Variants in KCNH5 observed in about 807,000 individuals in gnomAD.
KCNH5 encodes the protein voltage-gated delayed rectifier potassium channel KCNH5.
A neutral mutation model predicts 96.1 loss-of-function variants in KCNH5; 46 were observed. That is an observed-to-expected ratio of 0.48 (90% CI 0.38 to 0.61). The LOEUF (loss-of-function observed/expected upper bound fraction) is 0.61, where lower values mean the gene tolerates loss of function less well. KCNH5 is among the 20% of genes least tolerant of loss of function. KCNH5 has a pLI of 0.00. For missense variants in KCNH5, 907 were observed against 1,225.8 expected, an observed-to-expected ratio of 0.74 and a Z score of 3.88; for synonymous variants, 439 against 449.8, an observed-to-expected ratio of 0.98 and a Z score of 0.30.
chr14:62,755,717 T>C (rs1199111393), intron 10 of KCNH5, among the ~76,000 whole-genome samples: 1 of 152,242 alleles, frequency 6.6e-6, no homozygotes, highest in South Asian at 2.1e-4. Flanking sequence ...AACAAAATAC[T>C]AGCAAGAATA....
chr14:62,863,274 T>C (rs1331190865), intron 7 of KCNH5, among the ~76,000 whole-genome samples: 2 of 152,260 alleles, frequency 1.3e-5, no homozygotes, highest in African/African-American at 2.4e-5. Flanking sequence ...AATATTCTCC[T>C]TGTGTAGCAA....
chr14:62,845,559 G>A (rs975293416), intron 8 of KCNH5, among the ~76,000 whole-genome samples: 8 of 152,008 alleles, frequency 5.3e-5, no homozygotes, highest in South Asian at 2.1e-4. Flanking sequence ...TGGAAGCACC[G>A]GCCAGTTAGT....
chr14:62,728,314 G>T (rs948776982), intron 10 of KCNH5, among the ~76,000 whole-genome samples: 4 of 151,164 alleles, frequency 2.6e-5, no homozygotes, highest in African/African-American at 9.7e-5. Context: ...TTGAACTCGG[G>T]AGGCAGAGGT....
chr14:63,039,474 C>T (rs962209701), intron 1 of KCNH5, among the ~76,000 whole-genome samples: 1 of 151,864 alleles, frequency 6.6e-6, no homozygotes, highest in African/African-American at 2.4e-5. Context: ...TTCTACTTCA[C>T]CAATTCAATA....
intron 8 of KCNH5, among the ~76,000 whole-genome samples, chr14:62,814,785 A>AAAG: frequency 7.8e-6 from 1 of 128,886 alleles, no homozygotes; most frequent in African/African-American, 2.7e-5. Context: ...TCCATCTCAA[A>AAAG]AAAAAAAAAA....
At chr14:62,758,035 C>T (rs568821879) in intron 10 of KCNH5, among the ~76,000 whole-genome samples, 5 of 151,740 alleles carry the variant, frequency 3.3e-5, no homozygotes, top group Non-Finnish European at 7.4e-5. Flanking sequence ...ATCCCAGCTA[C>T]TCAGGAGGCT....
At chr14:62,789,460 G>A (rs1483082516) in intron 9 of KCNH5, among the ~76,000 whole-genome samples, 1 of 151,932 alleles carries the variant, frequency 6.6e-6, no homozygotes, top group Non-Finnish European at 1.5e-5. Flanking sequence ...GAGGGATATT[G>A]AGTCACACAG....
rs1189497681 is a variant in KCNH5, at chr14:62,732,449, A to AC, written c.2020-23995dup. 2.0e-5 allele frequency among the ~76,000 whole-genome samples: 3 copies of AC among 151,582 alleles called. No individual in the cohort carries two copies. The South Asian group carries it at 6.3e-4, about 32-fold the overall frequency. ...AACTTCCTTTTTATTGGTATCACTT[A>AC]CCTCGGCTTTTAGCTCCTCTCTCCC... On this transcript the variant is annotated intron_variant, in intron 10 of 10. Transcript: ENST00000322893.
At chr14:62,822,066 T>C (rs765583373) in intron 8 of KCNH5, among the ~76,000 whole-genome samples, 26 of 152,220 alleles carry the variant, frequency 1.7e-4, no homozygotes, top group African/African-American at 6.3e-4. Flanking sequence ...ATAAATGTAA[T>C]AAAATATGGA....
At chr14:62,959,950 T>A (rs1258027161) in intron 6 of KCNH5, among the ~76,000 whole-genome samples, 1 of 152,146 alleles carries the variant, frequency 6.6e-6, no homozygotes, top group Non-Finnish European at 1.5e-5. Flanking sequence ...CTCTTCAAAA[T>A]CACTGCTAGT....
At chr14:62,887,355 C>T (rs1247567618) in intron 7 of KCNH5, among the ~76,000 whole-genome samples, 1 of 151,902 alleles carries the variant, frequency 6.6e-6, no homozygotes, top group Non-Finnish European at 1.5e-5. Context: ...GAAGACAGCC[C>T]AAGACTTAAG....
intron 6 of KCNH5, among the ~76,000 whole-genome samples, chr14:62,964,381 T>C (rs112693841): frequency 0.01 from 1,536 of 152,222 alleles, 23 homozygotes; most frequent in African/African-American, 0.035. Flanking sequence ...TTCCAACATG[T>C]TCACCTCCTC....
chr14:62,839,126 T>C (rs1887523935), intron 8 of KCNH5, among the ~76,000 whole-genome samples: 1 of 152,212 alleles, frequency 6.6e-6, no homozygotes, highest in Admixed American at 6.5e-5. Context: ...AGACTACAAA[T>C]GTTATTATAT....
At position 62,703,930 on chromosome 14, in the gene KCNH5, CAGTCACTGCTCTGAAGGCTAATA is replaced by C. The variant is rs1884385970; in HGVS notation, c.*3555_*3577del. The C allele has an allele frequency of 2.0e-5, 3 of 151,768 alleles. No homozygotes were observed. The highest frequency in any genetic ancestry group is 4.4e-5 in the Non-Finnish European group (3 of 67,774). 9.4% of individuals were successfully genotyped at this position (151,768 alleles called of 1,614,324 possible). A position where few individuals can be genotyped will look rare whatever the true frequency, so the allele number is the denominator to read the frequency against. On this transcript the variant is annotated 3_prime_UTR_variant, in exon 11 of 11. Coordinates refer to ENST00000322893, the MANE Select transcript of KCNH5 (RefSeq NM_139318.5). ...ATATCTGCCACTGCACACTTCAAAA[CAGTCACTGCTCTGAAGGCTAATA>C]TTAAAAAAAATTCCAAATGACTTTA...
At chr14:63,041,775 T>G (rs941039367) in intron 1 of KCNH5, among the ~76,000 whole-genome samples, 1 of 152,058 alleles carries the variant, frequency 6.6e-6, no homozygotes, top group African/African-American at 2.4e-5. Flanking sequence ...CAACTTGCAA[T>G]GCTCGCTTAT....
intron 10 of KCNH5, among the ~76,000 whole-genome samples, chr14:62,724,212 G>A (rs569455718): frequency 5.9e-5 from 9 of 152,192 alleles, no homozygotes; most frequent in South Asian, 2.1e-4. Flanking sequence ...TTCCTTTGCC[G>A]GAGATTTGAT....
chr14:62,750,190 C>T (rs1003073127), intron 10 of KCNH5, among the ~76,000 whole-genome samples: 1 of 152,190 alleles, frequency 6.6e-6, no homozygotes, highest in Non-Finnish European at 1.5e-5. Context: ...TTATTCCAGG[C>T]ACATAGTTCA....
intron 10 of KCNH5, chr14:62,712,596 T>C (rs568488486): frequency 3.2e-5 from 23 of 728,932 alleles, no homozygotes; most frequent in East Asian, 2.4e-4. Flanking sequence ...AGGTAACTTT[T>C]ATACTTTCTC....
intron 7 of KCNH5, among the ~76,000 whole-genome samples, chr14:62,868,739 A>G (rs1888189045): frequency 6.6e-6 from 1 of 151,828 alleles, no homozygotes; most frequent in Non-Finnish European, 1.5e-5. Flanking sequence ...CCCTGTGTCC[A>G]TGTGTTCTCA....
Sources: allele counts gnomAD v4.1 joint callset (sites outside exome capture counted in the v4.1 genomes callset), GRCh38; gene constraint gnomAD v4.1.1; transcripts MANE v1.5; gene names NCBI Gene and HGNC (gene_info 2026-07-23, HGNC 2026-07-21).